Variants in CDH6 observed in about 807,000 individuals in gnomAD.
The protein encoded by CDH6 is cadherin 6.
A neutral mutation model predicts 78.0 loss-of-function variants in CDH6; 31 were observed. That is an observed-to-expected ratio of 0.40 (90% CI 0.30 to 0.54). CDH6 has a LOEUF of 0.54. Among genes scored for constraint, CDH6 ranks in the 20% least tolerant of loss-of-function variants. The pLI is 0.56. For synonymous variants in CDH6, 376 were observed against 368.8 expected (o/e 1.02, Z -0.23); for missense variants, 724 against 975.9 (o/e 0.74, Z 3.44).
intron 7 of CDH6, among the ~76,000 whole-genome samples, chr5:31,307,600 G>A (rs1404989557): frequency 6.6e-6 from 1 of 152,158 alleles, no homozygotes; most frequent in Admixed American, 6.5e-5. Flanking sequence ...CACTAGTATA[G>A]TTTTCACTAA....
At chr5:31,208,973 G>A (rs183412187) in intron 1 of CDH6, among the ~76,000 whole-genome samples, 60 of 152,226 alleles carry the variant, frequency 3.9e-4, no homozygotes, top group African/African-American at 1.4e-3. Flanking sequence ...AGTGAAACAT[G>A]CAGTTCAACC....
chr5:31,301,065 G>A (rs1737751424), intron 5 of CDH6, among the ~76,000 whole-genome samples: 1 of 152,198 alleles, frequency 6.6e-6, no homozygotes, highest in Non-Finnish European at 1.5e-5. Flanking sequence ...TGAGGCTGCA[G>A]TGAGCCATGA....
In CDH6 at chr5:31,296,102, C is replaced by A. The variant is rs1737586652; in HGVS notation, c.524-1187C>A. Reference sequence around the variant, plus strand: ...AACCCTAACATACTACAATCTATTTCTTCAATAAGTGAAATTGGCTATATA... The same window carrying A: ...AACCCTAACATACTACAATCTATTTATTCAATAAGTGAAATTGGCTATATA... On this transcript the variant is annotated intron_variant, in intron 3 of 11. Transcript: ENST00000265071. Among the ~76,000 whole-genome samples, 3 of 152,172 alleles carry A rather than the reference C, an allele frequency of 2.0e-5. No individual in the cohort carries two copies. The South Asian group carries it at 6.2e-4, about 31-fold the overall frequency.
At chr5:31,273,252 T>C (rs2149936463) in intron 2 of CDH6, among the ~76,000 whole-genome samples, 1 of 152,314 alleles carries the variant, frequency 6.6e-6, no homozygotes, top group African/African-American at 2.4e-5. Flanking sequence ...TTTTTTTTCC[T>C]AAAAAGAGCA....
intron 1 of CDH6, among the ~76,000 whole-genome samples, chr5:31,205,494 C>T (rs192407563): frequency 7.2e-4 from 110 of 152,234 alleles, no homozygotes; most frequent in African/African-American, 2.4e-3. Context: ...ATAATTTATG[C>T]CTTCCTAAGC....
intron 6 of CDH6, 163 bp downstream of exon 6, chr5:31,302,461 G>A (rs555508744): frequency 1.8e-4 from 99 of 543,534 alleles, no homozygotes; most frequent in African/African-American, 1.2e-3. Flanking sequence ...GGTGGCTCCC[G>A]CCTGTAATCC....
At chr5:31,241,312 C>G (rs1210809338) in intron 1 of CDH6, among the ~76,000 whole-genome samples, 3 of 152,210 alleles carry the variant, frequency 2.0e-5, no homozygotes, top group African/African-American at 7.2e-5. Context: ...TAGACCCACT[C>G]CAGCTCAACC....
In CDH6 at chr5:31,323,057, G is replaced by A; in HGVS notation, c.2122G>A (p.Asp708Asn). 3 of 1,614,096 alleles carry A rather than the reference G, an allele frequency of 1.9e-6. No individual in the cohort carries two copies. Among genetic ancestry groups the A allele is most frequent in the South Asian group, 1.1e-5 (1 of 91,058 alleles). The change falls in exon 12 of 12, where the codon GAC becomes AAC. Residue 708 changes from aspartate (D) to asparagine (N), a missense_variant. Asp to Asn is a conservative substitution (Grantham distance 23, BLOSUM62 1). Coordinates refer to ENST00000265071, the MANE Select transcript of CDH6 (RefSeq NM_004932.4). ...FLPRRTPTAR[D>N]NTDVRDFINQ... ...ACCCCGACGGACTCCAACAGCTCGCGACAACACCGATGTCAGAGATTTCAT... is the reference window on the plus strand; with the variant it reads ...ACCCCGACGGACTCCAACAGCTCGCAACAACACCGATGTCAGAGATTTCAT...
At chr5:31,280,320 A>G (rs1049768311) in intron 2 of CDH6, among the ~76,000 whole-genome samples, 5 of 152,242 alleles carry the variant, frequency 3.3e-5, no homozygotes, top group Non-Finnish European at 7.3e-5. Context: ...AGCTTATAAA[A>G]TGCTGTCACA....
chr5:31,214,409 G>A (rs1326983264), intron 1 of CDH6, among the ~76,000 whole-genome samples: 2 of 152,236 alleles, frequency 1.3e-5, no homozygotes, highest in South Asian at 2.1e-4. Context: ...CTCCAACTAG[G>A]GGATTTGGAT....
intron 1 of CDH6, among the ~76,000 whole-genome samples, chr5:31,218,023 C>T (rs1740913990): frequency 6.6e-6 from 1 of 151,940 alleles, no homozygotes; most frequent in East Asian, 1.9e-4. Flanking sequence ...TTTTTATTGT[C>T]ATTAAAGTCT....
chr5:31,289,071 C>T (rs536251474), intron 2 of CDH6, among the ~76,000 whole-genome samples: 1 of 152,258 alleles, frequency 6.6e-6, no homozygotes, highest in South Asian at 2.1e-4. Flanking sequence ...GTGTACCTAT[C>T]ACCCCAGTAT....
chr5:31,307,654 T>C (rs1012474170), intron 7 of CDH6, among the ~76,000 whole-genome samples: 1 of 152,232 alleles, frequency 6.6e-6, no homozygotes, highest in African/African-American at 2.4e-5. Flanking sequence ...TTGGAGTTTG[T>C]TGTAACTGCA....
intron 1 of CDH6, among the ~76,000 whole-genome samples, chr5:31,245,082 C>A (rs1741705885): frequency 6.6e-6 from 1 of 152,204 alleles, no homozygotes; most frequent in Non-Finnish European, 1.5e-5. Context: ...AGAACCACAT[C>A]TCTTGCCCCA....
Position 31,241,019 on chromosome 5 carries a change from C to T in CDH6, c.-128-26327C>T, listed in dbSNP as rs951164091. Among the ~76,000 whole-genome samples the T allele has an allele frequency of 3.2e-4, 49 of 152,240 alleles. 2 individuals are homozygous for T. Among genetic ancestry groups the T allele is most frequent in the Admixed American group, 3.0e-3 (46 of 15,280 alleles). On this transcript the variant is annotated intron_variant, in intron 1 of 11. Coordinates refer to ENST00000265071, the MANE Select transcript of CDH6 (RefSeq NM_004932.4). The stretch of plus-strand genomic sequence containing the variant: ...GCTTTTTCAGTTCCTTGGCCTCAGC[C>T]AGGCTGCAGCCCCAAGGAAACTGGA...
intron 1 of CDH6, among the ~76,000 whole-genome samples, chr5:31,257,471 G>A (rs1742089334): frequency 6.6e-6 from 1 of 152,174 alleles, no homozygotes. Flanking sequence ...CCACATGTTC[G>A]TTTTTATAGT....
At chr5:31,265,836 G>A (rs535507905) in intron 1 of CDH6, among the ~76,000 whole-genome samples, 100 of 132,150 alleles carry the variant, frequency 7.6e-4, no homozygotes, top group African/African-American at 2.6e-3. Context: ...GTGCAGTGGT[G>A]CAATCTTGGC....
chr5:31,246,825 G>A (rs771615347), intron 1 of CDH6, among the ~76,000 whole-genome samples: 4 of 151,866 alleles, frequency 2.6e-5, no homozygotes, highest in Non-Finnish European at 4.4e-5. Flanking sequence ...GCATAATCTC[G>A]GCTCACTGCA....
chr5:31,204,186 T>G (rs1036779740), intron 1 of CDH6, among the ~76,000 whole-genome samples: 3 of 152,254 alleles, frequency 2.0e-5, no homozygotes, highest in African/African-American at 7.2e-5. Context: ...CTTTTGATTC[T>G]GTTACCACAC....
Sources: allele counts gnomAD v4.1 joint callset (sites outside exome capture counted in the v4.1 genomes callset), GRCh38; gene constraint gnomAD v4.1.1; transcripts MANE v1.5; gene names NCBI Gene and HGNC (gene_info 2026-07-23, HGNC 2026-07-21).